The following FER1L5 variants were observed in gnomAD, a reference collection of about 807,000 sequenced individuals.
FER1L5 encodes fer-1 like family member 5.
Under a neutral mutation model 279.9 loss-of-function variants are expected in FER1L5, and 187 were observed. The ratio of observed to expected loss-of-function variants is 0.67; its 90% CI spans 0.59 to 0.75. The LOEUF is 0.75. Among genes scored for constraint, FER1L5 ranks in the 30% least tolerant of loss-of-function variants. The pLI is 0.00. For synonymous variants in FER1L5, 921 were observed against 989.7 expected (o/e 0.93, Z 1.30); for missense variants, 2,091 against 2,594.4 (o/e 0.81, Z 4.21).
intron 51 of FER1L5, among the ~76,000 whole-genome samples, chr2:96,703,918 C>T (rs1463824484): frequency 1.1e-4 from 17 of 149,428 alleles, no homozygotes; most frequent in East Asian, 2.0e-4. Context: ...TGGGTTCAAG[C>T]GATTCTCCTG....
chr2:96,664,583 T>A (rs1163705018), intron 14 of FER1L5, among the ~76,000 whole-genome samples: 1 of 152,250 alleles, frequency 6.6e-6, no homozygotes, highest in Non-Finnish European at 1.5e-5. Context: ...AGTTTGCTTA[T>A]CCCTTTCCTT....
Position 96,703,136 on chromosome 2 carries a change from C to G in FER1L5, c.5498-17C>G. The G allele has an allele frequency of 6.2e-7, 1 of 1,612,694 alleles. No homozygotes were observed. On this transcript the variant is annotated splice_polypyrimidine_tract_variant and intron_variant, in intron 49 of 52. Transcript: ENST00000624922. ...ACAGGGAGCTCCTTCTTGCTGATGTCATTTTTCTGGGCTCAGGGGTCCTGG... is the reference window on the plus strand; with the variant it reads ...ACAGGGAGCTCCTTCTTGCTGATGTGATTTTTCTGGGCTCAGGGGTCCTGG...
intron 7 of FER1L5, 23 bp from the exon 8 acceptor site, chr2:96,653,617 T>C: frequency 6.5e-7 from 1 of 1,540,854 alleles, no homozygotes; most frequent in South Asian, 1.2e-5. Flanking sequence ...TCATCCACTC[T>C]ACCCCAATTC....
intron 14 of FER1L5, among the ~76,000 whole-genome samples, chr2:96,666,845 G>T (rs2076144226): frequency 6.6e-6 from 1 of 151,866 alleles, no homozygotes; most frequent in African/African-American, 2.4e-5. Context: ...AGAGATGGGG[G>T]TCTCAATATG....
intron 9 of FER1L5, among the ~76,000 whole-genome samples, chr2:96,659,826 C>T (rs1208981193): frequency 1.3e-5 from 2 of 151,972 alleles, no homozygotes; most frequent in African/African-American, 4.8e-5. Context: ...TGCTGTGTTG[C>T]TGTATCTAAG....
chr2:96,685,726 G>T (rs2076897467), intron 21 of FER1L5, among the ~76,000 whole-genome samples: 1 of 152,182 alleles, frequency 6.6e-6, no homozygotes, highest in Non-Finnish European at 1.5e-5. Flanking sequence ...CAGGCCCTGG[G>T]AGGAAGGGAG....
chr2:96,647,240 A>G, intron 3 of FER1L5, 85 bp downstream of exon 3: 2 of 1,393,414 alleles, frequency 1.4e-6, no homozygotes, highest in South Asian at 1.3e-5. Flanking sequence ...TCCATAACTC[A>G]CTCAGATGAA....
At chr2:96,655,323 G>T (rs568473223) in intron 9 of FER1L5, among the ~76,000 whole-genome samples, 1 of 152,162 alleles carries the variant, frequency 6.6e-6, no homozygotes, top group African/African-American at 2.4e-5. Flanking sequence ...ATCAGGAAAA[G>T]GTAGGTTGCT....
chr2:96,663,758 T>C (rs2076032503), intron 14 of FER1L5, among the ~76,000 whole-genome samples: 1 of 152,124 alleles, frequency 6.6e-6, no homozygotes, highest in South Asian at 2.1e-4. Flanking sequence ...AAATGTACAA[T>C]TTGGCTGGGC....
At position 96,691,908 on chromosome 2, in the gene FER1L5, C is replaced by T; in HGVS notation, c.3159C>T (p.Pro1053=). 3.2e-6 allele frequency: 5 copies of T among 1,551,196 alleles called. No homozygotes were observed. The Admixed American group carries it at 5.9e-5, about 18-fold the overall frequency. ...PWGLDRQFRD[P]QRQDTRPPNL... ...GTCTGGACAGACAGTTCAGGGACCC[C>T]CAGAGGCAGGACACCCGGCCCCCCA... Residue 1053 remains proline, a synonymous_variant, in exon 30 of 53, where the codon CCC becomes CCT. Transcript: ENST00000624922. The surrounding 1 kb of genome is among the most constrained non-coding windows in gnomAD (Gnocchi z 6.0).
At chr2:96,651,237 CT>C (rs2075350454) in intron 6 of FER1L5, among the ~76,000 whole-genome samples, 1 of 128,518 alleles carries the variant, frequency 7.8e-6, no homozygotes, top group East Asian at 2.4e-4. Flanking sequence ...TTCTTTCTTT[CT>C]CTTTCTTTCT....
intron 19 of FER1L5, among the ~76,000 whole-genome samples, chr2:96,681,523 T>C (rs1327837045): frequency 6.6e-6 from 1 of 152,130 alleles, no homozygotes; most frequent in Non-Finnish European, 1.5e-5. Flanking sequence ...TGAGAACCAG[T>C]GTTCTCTTTA....
At chr2:96,660,456 A>G in intron 10 of FER1L5, 85 bp downstream of exon 10, 17 of 1,201,162 alleles carry the variant, frequency 1.4e-5, no homozygotes, top group Non-Finnish European at 1.9e-5. Flanking sequence ...CCATATGTCC[A>G]ACACATGGGT....
intron 2 of FER1L5, 45 bp from the exon 3 acceptor site, chr2:96,647,019 G>T: frequency 6.5e-7 from 1 of 1,530,642 alleles, no homozygotes; most frequent in South Asian, 1.2e-5. Context: ...AACATGGGAT[G>T]GGAAGGGCAG....
intron 19 of FER1L5, among the ~76,000 whole-genome samples, chr2:96,680,052 C>A (rs542135605): frequency 6.6e-6 from 1 of 152,136 alleles, no homozygotes; most frequent in Admixed American, 6.6e-5. Flanking sequence ...TCTTGCTAGT[C>A]GTGTCCCGCA....
In FER1L5 at chr2:96,703,328, T is replaced by C; in HGVS notation, c.5673T>C (p.Gly1891=). 6.2e-7 allele frequency: 1 copy of C among 1,611,012 alleles called. No homozygotes were observed. The highest frequency in any genetic ancestry group is 1.1e-5 in the South Asian group (1 of 90,598). The change falls in exon 50 of 53, where the codon GGT becomes GGC. Residue 1891 remains glycine (G), a synonymous_variant. Transcript: ENST00000624922. ...TGWWPCQVLD[G]GKWRLSGKVK... ...GGTGGCCTTGCCAGGTCCTCGATGG[T>C]GGCAAATGGCGCTTGTCGGTAGGAG...
rs770079760 is a variant in FER1L5 at position 96,702,723 on chromosome 2, G to T, written c.5379G>T (p.Thr1793=). ...TGGACTACCTGGCGGCGGAGCGCAC[G>T]TGTGTCCAGAGCCAGAAGGTAACAG... ...FTMDYLAAER[T]CVQSQKDYIW... Residue 1793 remains threonine, a synonymous_variant, in exon 48 of 53, where the codon ACG becomes ACT. Coordinates refer to ENST00000624922, the MANE Select transcript of FER1L5 (RefSeq NM_001293083.2). The surrounding 1 kb of genome is among the most constrained non-coding windows in gnomAD (Gnocchi z 4.0). 1 of 1,613,064 alleles carries T rather than the reference G, an allele frequency of 6.2e-7. No individual in the cohort carries two copies. The highest frequency in any genetic ancestry group is 1.1e-5 in the South Asian group (1 of 90,886).
In FER1L5 at chr2:96,697,591, G is replaced by A; in HGVS notation, c.4134+15G>A. On this transcript the variant is annotated intron_variant, in intron 38 of 52. Transcript: ENST00000624922. ...GTAAAGCAGAGGTGATGAAGGCTCA[G>A]CCCCATTCAGTGCAGGGAGGTGGGG... 1 of 1,613,794 alleles carries A rather than the reference G, an allele frequency of 6.2e-7. No homozygotes were observed. The highest frequency in any genetic ancestry group is 1.1e-5 in the South Asian group (1 of 91,018).
At chr2:96,670,010 G>A (rs901648991) in intron 17 of FER1L5, 109 bp from the exon 18 acceptor site, 6 of 1,425,734 alleles carry the variant, frequency 4.2e-6, no homozygotes, top group South Asian at 1.3e-5. Flanking sequence ...AGTAAGCCCC[G>A]GGCAGGCAGT....
Sources: allele counts gnomAD v4.1 joint callset (sites outside exome capture counted in the v4.1 genomes callset), GRCh38; gene constraint gnomAD v4.1.1; non-coding constraint Gnocchi (gnomAD v3.1); transcripts MANE v1.5; gene names NCBI Gene and HGNC (gene_info 2026-07-23, HGNC 2026-07-21).